The following MRS2 variants were observed in gnomAD, a reference collection of about 807,000 sequenced individuals.
MRS2 encodes the protein magnesium transporter MRS2.
In MRS2, 40 loss-of-function variants were observed where a neutral mutation model predicts 52.6. The ratio of observed to expected loss-of-function variants is 0.76; its 90% CI spans 0.59 to 0.99. MRS2 has a LOEUF of 0.99. Ranked by LOEUF, MRS2 falls within the 50% of genes least tolerant of loss-of-function variation. The probability of loss-of-function intolerance (pLI) is 0.00; values close to 1 mark genes in which losing one functional copy is unlikely to be tolerated. For missense variants in MRS2, 472 were observed against 532.7 expected, an observed-to-expected ratio of 0.89 and a Z score of 1.12; for synonymous variants, 193 against 195.9, an observed-to-expected ratio of 0.98 and a Z score of 0.13.
intron 9 of MRS2, among the ~76,000 whole-genome samples, chr6:24,422,308 T>G (rs1254463762): frequency 1.3e-5 from 2 of 152,152 alleles, no homozygotes; most frequent in African/African-American, 4.8e-5. Flanking sequence ...ATTCCTTCCT[T>G]GTGAGAGATT....
At position 24,409,549 on chromosome 6, in the gene MRS2, C is replaced by T; in HGVS notation, c.390C>T (p.Asn130=). 2 of 1,598,390 alleles carry T rather than the reference C, an allele frequency of 1.3e-6. No individual in the cohort carries two copies. Among genetic ancestry groups the T allele is most frequent in the Non-Finnish European group, 1.7e-6 (2 of 1,168,360 alleles). The stretch of plus-strand genomic sequence containing the variant: ...ATGTAATGAGTATCACAGTCAGAAA[C>T]AATAGGATTATCATGAGAATGGAGG... ...FQHVMSITVR[N]NRIIMRMEYL... is the part of the protein sequence containing the mutation. The change falls in exon 4 of 11, where the codon AAC becomes AAT. Residue 130 remains asparagine, a synonymous_variant. Coordinates refer to ENST00000378386, the MANE Select transcript of MRS2 (RefSeq NM_020662.4).
At chr6:24,422,179 G>T (rs899275610) in intron 9 of MRS2, among the ~76,000 whole-genome samples, 2 of 152,132 alleles carry the variant, frequency 1.3e-5, no homozygotes, top group African/African-American at 4.8e-5. Context: ...GCAGATTTCT[G>T]TTCAATAAGT....
chr6:24,418,631 G>C, intron 9 of MRS2, 53 bp downstream of exon 9: 1 of 1,350,144 alleles, frequency 7.4e-7, no homozygotes. Context: ...GGGCATGGTG[G>C]CTCATGTCAG....
intron 4 of MRS2, among the ~76,000 whole-genome samples, chr6:24,411,725 G>A (rs1330586532): frequency 6.6e-6 from 1 of 152,090 alleles, no homozygotes; most frequent in Admixed American, 6.5e-5. Context: ...TTTTAGTAGA[G>A]ACGGGGTTTC....
chr6:24,415,684 T>C (rs956648435), intron 6 of MRS2, among the ~76,000 whole-genome samples: 1 of 152,240 alleles, frequency 6.6e-6, no homozygotes, highest in African/African-American at 2.4e-5. Flanking sequence ...TAAGAGTAAC[T>C]AGTCTGTTCT....
intron 9 of MRS2, among the ~76,000 whole-genome samples, chr6:24,422,472 T>C (rs893467679): frequency 3.3e-5 from 5 of 152,210 alleles, no homozygotes; most frequent in African/African-American, 1.2e-4. Flanking sequence ...AGTAATTTTT[T>C]CACAGTATCG....
chr6:24,405,630 T>C (rs1761442725), intron 2 of MRS2, among the ~76,000 whole-genome samples: 1 of 150,008 alleles, frequency 6.7e-6, no homozygotes, highest in Non-Finnish European at 1.5e-5. Context: ...GGGGTGGGGA[T>C]GAGGGGGGAA....
Position 24,425,395 on chromosome 6 carries a change from A to G in MRS2, c.*1701A>G, listed in dbSNP as rs1013022590. 1 of 152,194 alleles carries G rather than the reference A, an allele frequency of 6.6e-6. No homozygotes were observed. The highest frequency in any genetic ancestry group is 2.4e-5 in the African/African-American group (1 of 41,438). The allele number at this position is 152,194 out of a possible 1,614,324, so 9.4% of individuals were successfully genotyped here. On this transcript the variant is annotated 3_prime_UTR_variant, in exon 11 of 11. Transcript: ENST00000378386. ...GGATAAAATAATTTTTTGATGAATC[A>G]TGTCAATAAAAGGAAAAATAATGTA...
intron 9 of MRS2, among the ~76,000 whole-genome samples, chr6:24,419,680 A>G (rs1010788575): frequency 2.5e-5 from 2 of 81,448 alleles, no homozygotes; most frequent in African/African-American, 1.2e-4. Context: ...TTCTGTATTA[A>G]GATAATACTT....
chr6:24,417,954 G>T, intron 7 of MRS2, 130 bp from the exon 8 acceptor site: 3 of 375,110 alleles, frequency 8.0e-6, no homozygotes, highest in Non-Finnish European at 1.2e-5. Flanking sequence ...AAAAAAAAAA[G>T]ACAAGACAAG....
chr6:24,422,339 T>A (rs1762072765), intron 9 of MRS2, among the ~76,000 whole-genome samples: 1 of 152,232 alleles, frequency 6.6e-6, no homozygotes, highest in African/African-American at 2.4e-5. Context: ...TCTGTGATTC[T>A]GTACATTAAC....
At chr6:24,418,360 T>G in intron 8 of MRS2, 101 bp from the exon 9 acceptor site, 1 of 1,533,202 alleles carries the variant, frequency 6.5e-7, no homozygotes, top group Non-Finnish European at 8.7e-7. Flanking sequence ...ATTATTTTTT[T>G]TGTTGTGTAG....
intron 6 of MRS2, 52 bp from the exon 7 acceptor site, chr6:24,416,345 T>G: frequency 1.3e-6 from 1 of 763,240 alleles, no homozygotes; most frequent in Non-Finnish European, 2.3e-6. Flanking sequence ...TATTATGAAA[T>G]GTTCTTATAA....
At chr6:24,414,905 CTAT>C in intron 5 of MRS2, 125 bp from the exon 6 acceptor site, 1 of 758,002 alleles carries the variant, frequency 1.3e-6, no homozygotes, top group Non-Finnish European at 2.0e-6. Flanking sequence ...CTAGAATTAT[CTAT>C]GTTCTGAAAT....
chr6:24,422,017 C>T (rs371963131), intron 9 of MRS2, among the ~76,000 whole-genome samples: 9 of 151,478 alleles, frequency 5.9e-5, no homozygotes, highest in South Asian at 2.1e-4. Flanking sequence ...GGCATGGTGC[C>T]GCACACCTGT....
In MRS2 at chr6:24,418,146, A is replaced by G. The variant is rs746407611; in HGVS notation, c.899A>G (p.Tyr300Cys). ...ATGGAGTTGCTGTTGGAAAACTACT[A>G]CCGATTGGCTGACGATCTCTCCAAT... ...EEMELLLENYYRLADDLSNAA... is the reference protein window; with the variant it reads ...EEMELLLENYCRLADDLSNAA... The change falls in exon 8 of 11, where the codon TAC becomes TGC. Residue 300 changes from tyrosine (Y) to cysteine (C), a missense_variant. By Grantham distance (194) the Tyr-to-Cys change is radical. Coordinates refer to ENST00000378386, the MANE Select transcript of MRS2 (RefSeq NM_020662.4). The G allele has an allele frequency of 9.9e-6, 16 of 1,613,596 alleles. No homozygotes were observed. Among genetic ancestry groups the G allele is most frequent in the South Asian group, 2.2e-5 (2 of 91,034 alleles).
rs750921107 is a variant in MRS2 at position 24,403,068 on chromosome 6, C to G, written c.22C>G (p.Pro8Ala). The change falls in exon 1 of 11, where the codon CCC becomes GCC. Residue 8 changes from proline to alanine, a missense_variant. Pro to Ala is a conservative substitution (Grantham distance 27). Coordinates refer to ENST00000378386, the MANE Select transcript of MRS2 (RefSeq NM_020662.4). MECLRSLPCLLPRAMRLP... is the reference protein window; with the variant it reads MECLRSLACLLPRAMRLP... ...CACCATGGAATGCCTGCGCAGTTTA[C>G]CCTGCCTCCTGCCCCGCGCGATGAG... 15 of 1,610,002 alleles carry G rather than the reference C, an allele frequency of 9.3e-6. No individual in the cohort carries two copies. The highest frequency in any genetic ancestry group is 1.7e-5 in the Admixed American group (1 of 59,692).
chr6:24,403,162 G>C lies in MRS2; in HGVS notation c.116G>C (p.Cys39Ser). The stretch of plus-strand genomic sequence containing the variant: ...TCTGTGGGTCCTCCCGTTGCTGCCT[G>C]CGGCCGCCGAGCCAACCTGATTGGA... The part of the protein sequence containing the change: ...VTSVGPPVAA[C>S]GRRANLIGRS... Residue 39 changes from cysteine (C) to serine (S), a missense_variant, in exon 1 of 11, where the codon TGC (cysteine) becomes TCC (serine). Physicochemically the swap from Cys to Ser is moderately radical, Grantham distance 112. Coordinates refer to ENST00000378386, the MANE Select transcript of MRS2 (RefSeq NM_020662.4). 1 of 1,609,158 alleles carries C rather than the reference G, an allele frequency of 6.2e-7. No homozygotes were observed. Among genetic ancestry groups the C allele is most frequent in the Non-Finnish European group, 8.5e-7 (1 of 1,179,868 alleles).
chr6:24,410,852 G>A, intron 4 of MRS2: 1 of 948,108 alleles, frequency 1.1e-6, no homozygotes, highest in African/African-American at 1.6e-5. Flanking sequence ...CTAACTGGTG[G>A]GTATATGGTG....
Sources: allele counts gnomAD v4.1 joint callset (sites outside exome capture counted in the v4.1 genomes callset), GRCh38; gene constraint gnomAD v4.1.1; transcripts MANE v1.5; gene names NCBI Gene and HGNC (gene_info 2026-07-23, HGNC 2026-07-21).